The following ALG9 variants were observed in gnomAD, a reference collection of about 807,000 sequenced individuals.
ALG9 encodes the protein ALG9 alpha-1,2-mannosyltransferase.
Under a neutral mutation model 81.8 loss-of-function variants are expected in ALG9, and 55 were observed. The ratio of observed to expected loss-of-function variants is 0.67; its 90% CI spans 0.54 to 0.84. ALG9 has a LOEUF of 0.84. ALG9 is among the 40% of genes least tolerant of loss of function. The probability of loss-of-function intolerance (pLI) is 0.00; values close to 1 mark genes in which losing one functional copy is unlikely to be tolerated. For missense variants in ALG9, 629 were observed against 745.0 expected (o/e 0.84, Z 1.81); for synonymous variants, 278 against 274.3 (o/e 1.01, Z -0.13).
At chr11:111,829,652 A>G (rs1555111856) in intron 13 of ALG9, among the ~76,000 whole-genome samples, 1 of 152,232 alleles carries the variant, frequency 6.6e-6, no homozygotes, top group Non-Finnish European at 1.5e-5. Flanking sequence ...TGAGATCCCA[A>G]TAATAAAAGA....
intron 13 of ALG9, among the ~76,000 whole-genome samples, chr11:111,822,918 G>T (rs985820511): frequency 2.4e-4 from 36 of 151,878 alleles, no homozygotes; most frequent in Non-Finnish European, 5.9e-5. Flanking sequence ...CAGCTACTCA[G>T]GAGGCTGAGG....
intron 2 of ALG9, 141 bp downstream of exon 2, chr11:111,870,091 C>T (rs1432719850): frequency 3.9e-6 from 4 of 1,036,816 alleles, no homozygotes; most frequent in Non-Finnish European, 5.2e-6. Flanking sequence ...GGATTATAGG[C>T]CTGTTTTTTT....
Position 111,785,819 on chromosome 11 carries a change from C to T in ALG9, c.*578G>A, listed in dbSNP as rs535046660. Reference sequence around the variant, plus strand: ...TCCTGAGATAGCTCCAGGACAGGGTCCTAGTCCTGTGAAGTGCTTTAAAGA... The same window carrying T: ...TCCTGAGATAGCTCCAGGACAGGGTTCTAGTCCTGTGAAGTGCTTTAAAGA... On this transcript the variant is annotated 3_prime_UTR_variant, in exon 15 of 15. Coordinates refer to ENST00000616540, the MANE Select transcript of ALG9 (RefSeq NM_024740.2). The T allele has an allele frequency of 2.9e-6, 1 of 346,562 alleles. No homozygotes were observed. The highest frequency in any genetic ancestry group is 2.1e-5 in the African/African-American group (1 of 46,730). The allele number at this position is 346,562 out of a possible 1,614,324, so 21.5% of individuals were successfully genotyped here.
chr11:111,775,196 G>T, the ALG9 span, among the ~76,000 whole-genome samples: 1 of 152,190 alleles, frequency 6.6e-6, no homozygotes, highest in Admixed American at 6.5e-5. Context: ...TTTAGCAACA[G>T]CAGGGCCAAC....
intron 8 of ALG9, among the ~76,000 whole-genome samples, chr11:111,850,125 C>T (rs999857541): frequency 1.3e-5 from 2 of 152,080 alleles, no homozygotes; most frequent in African/African-American, 2.4e-5. Flanking sequence ...TCATGAAGTA[C>T]TTTTTGATTT....
intron 8 of ALG9, among the ~76,000 whole-genome samples, chr11:111,850,176 G>C (rs1248568693): frequency 2.0e-5 from 3 of 151,786 alleles, no homozygotes; most frequent in African/African-American, 7.3e-5. Flanking sequence ...ATTATTATTT[G>C]GTATCACGAA....
chr11:111,823,882 C>T (rs1478711441), intron 13 of ALG9, among the ~76,000 whole-genome samples: 1 of 152,158 alleles, frequency 6.6e-6, no homozygotes. Flanking sequence ...CTCTTTCATC[C>T]CAGGCTCCAG....
intron 13 of ALG9, among the ~76,000 whole-genome samples, chr11:111,830,075 C>T (rs1000313838): frequency 1.3e-5 from 2 of 152,110 alleles, no homozygotes; most frequent in Non-Finnish European, 1.5e-5. Flanking sequence ...TTAGAAATTC[C>T]CAGTCATTTA....
chr11:111,805,840 TTTG>T (rs1205844244), intron 14 of ALG9, among the ~76,000 whole-genome samples: 2 of 152,108 alleles, frequency 1.3e-5, no homozygotes, highest in South Asian at 2.1e-4. Flanking sequence ...CCATTGCTTT[TTTG>T]TTGTTGTTGT....
chr11:111,800,759 C>T (rs983964725), intron 14 of ALG9, among the ~76,000 whole-genome samples: 13 of 152,110 alleles, frequency 8.5e-5, no homozygotes, highest in African/African-American at 3.1e-4. Flanking sequence ...AAGAGGACAG[C>T]GACCTGGTAT....
At chr11:111,854,712 A>AC (rs556812726) in intron 6 of ALG9, among the ~76,000 whole-genome samples, 61 of 152,026 alleles carry the variant, frequency 4.0e-4, no homozygotes, top group Middle Eastern at 3.4e-3. Context: ...ATTTTTTGTC[A>AC]CCCCAACTAC....
chr11:111,840,781 A>G lies in ALG9; in HGVS notation c.1047T>C (p.Leu349=). 6.2e-7 allele frequency: 1 copy of G among 1,614,180 alleles called. No individual in the cohort carries two copies. The highest frequency in any genetic ancestry group is 8.5e-7 in the Non-Finnish European group (1 of 1,180,000). Residue 349 remains leucine, a synonymous_variant, in exon 10 of 15, where the codon CTT becomes CTC. Transcript: ENST00000616540. The part of the protein sequence containing the change: ...HVQNLGHPYW[L]TLAPMYIWFI... ...ACCAAATATACATTGGAGCCAAGGT[A>G]AGCCAATACGGGTGGCCTAAATTCT...
chr11:111,780,885 CCAA>C (rs557769311), downstream of ALG9, among the ~76,000 whole-genome samples: 18 of 152,230 alleles, frequency 1.2e-4, 1 homozygote, highest in African/African-American at 4.3e-4. Flanking sequence ...CCCTCATATG[CCAA>C]CAATGGCCTT....
intron 4 of ALG9, chr11:111,864,506 T>C (rs1961594638): frequency 1.5e-6 from 1 of 684,398 alleles, no homozygotes; most frequent in African/African-American, 1.8e-5. Context: ...TATGATCCAG[T>C]GGATATTCAA....
At chr11:111,835,489 A>G (rs1955088614) in intron 13 of ALG9, among the ~76,000 whole-genome samples, 1 of 152,184 alleles carries the variant, frequency 6.6e-6, no homozygotes, top group Non-Finnish European at 1.5e-5. Context: ...TTCATTTGTT[A>G]AAACCGGAAT....
At chr11:111,793,686 G>C (rs957197438) in intron 14 of ALG9, among the ~76,000 whole-genome samples, 21 of 151,656 alleles carry the variant, frequency 1.4e-4, no homozygotes, top group Non-Finnish European at 3.1e-4. Context: ...GCGTGAACCC[G>C]GGAGGCGGAG....
chr11:111,830,996 C>A (rs182313377), intron 13 of ALG9, among the ~76,000 whole-genome samples: 2 of 152,128 alleles, frequency 1.3e-5, no homozygotes, highest in African/African-American at 4.8e-5. Flanking sequence ...GACAGTGAGG[C>A]CCTCTCTCCA....
the ALG9 span, among the ~76,000 whole-genome samples, chr11:111,774,598 T>C: frequency 6.6e-6 from 1 of 152,274 alleles, no homozygotes; most frequent in Admixed American, 6.5e-5. Flanking sequence ...CATATCCATT[T>C]GTACTTTGTC....
At chr11:111,800,853 G>A (rs1379235564) in intron 14 of ALG9, among the ~76,000 whole-genome samples, 1 of 152,196 alleles carries the variant, frequency 6.6e-6, no homozygotes, top group South Asian at 2.1e-4. Context: ...GGAGATGAGT[G>A]ATGGGTGGAC....
Sources: allele counts gnomAD v4.1 joint callset (sites outside exome capture counted in the v4.1 genomes callset), GRCh38; gene constraint gnomAD v4.1.1; transcripts MANE v1.5; gene names NCBI Gene and HGNC (gene_info 2026-07-23, HGNC 2026-07-21).